ZNF143: variants seen among roughly 807,000 people sequenced by gnomAD.
ZNF143 encodes the protein zinc finger protein 143.
In ZNF143, 49 loss-of-function variants were observed where a neutral mutation model predicts 74.1. The observed-to-expected ratio is 0.66, with a 90% CI of 0.53 to 0.84. The LOEUF is 0.84. Ranked by LOEUF, ZNF143 falls within the 40% of genes least tolerant of loss-of-function variation. ZNF143 has a pLI of 0.00. For synonymous variants in ZNF143, 304 were observed against 282.8 expected (o/e 1.07, Z -0.75); for missense variants, 637 against 793.4 (o/e 0.80, Z 2.37).
chr11:9,508,330 C>A (rs560933756), intron 11 of ZNF143, among the ~76,000 whole-genome samples: 24 of 152,278 alleles, frequency 1.6e-4, no homozygotes, highest in African/African-American at 5.8e-4. Context: ...ATTACAGTTT[C>A]ATTAAAGTTA....
chr11:9,476,802 C>T (rs551253256), intron 5 of ZNF143, among the ~76,000 whole-genome samples: 234 of 108,350 alleles, frequency 2.2e-3, no homozygotes, highest in African/African-American at 8.1e-3. Flanking sequence ...CTCTCTCTCC[C>T]AGTCTGGAGT....
intron 8 of ZNF143, among the ~76,000 whole-genome samples, chr11:9,495,079 A>ATG: frequency 6.6e-6 from 1 of 152,214 alleles, no homozygotes; most frequent in East Asian, 1.9e-4. Flanking sequence ...TATGAGAGAT[A>ATG]TGTGTGTAAT....
At chr11:9,499,314 C>T (rs181480326) in intron 10 of ZNF143, among the ~76,000 whole-genome samples, 42 of 152,080 alleles carry the variant, frequency 2.8e-4, no homozygotes, top group Non-Finnish European at 5.9e-5. Context: ...AGTTGATTCC[C>T]TATCATAGCA....
chr11:9,520,025 ATTTTTTT>A (rs954404348), intron 14 of ZNF143, among the ~76,000 whole-genome samples: 1,702 of 91,362 alleles, frequency 0.019, 29 homozygotes, highest in African/African-American at 0.075. Context: ...GTTTCCACCA[ATTTTTTT>A]TTTTTTTTTT....
In ZNF143 at chr11:9,484,800, A is replaced by ATTTTTTTTTTTTTT. The variant is rs1381085964; in HGVS notation, c.645+5256_645+5269dup. ...CGTGAGCCACCGCACCTGGCCAAAGATTTTTTTTTTTTTTTGAGACGGAGT... is the reference window on the plus strand; with the variant it reads ...CGTGAGCCACCGCACCTGGCCAAAGATTTTTTTTTTTTTTTTTTTTTTTTTTTTTGAGACGGAGT... On this transcript the variant is annotated intron_variant, in intron 7 of 15. Transcript: ENST00000396602. 4.5e-3 allele frequency among the ~76,000 whole-genome samples: 299 copies of ATTTTTTTTTTTTTT among 66,956 alleles called. 41 individuals carry two copies. Among genetic ancestry groups the ATTTTTTTTTTTTTT allele is most frequent in the African/African-American group, 7.1e-3 (104 of 14,698 alleles). 43.9% of individuals were successfully genotyped at this position (66,956 alleles called of 152,430 possible).
intron 3 of ZNF143, among the ~76,000 whole-genome samples, 186 bp downstream of exon 3, chr11:9,472,955 A>G (rs1027266478): frequency 2.0e-5 from 3 of 146,426 alleles, no homozygotes; most frequent in African/African-American, 7.6e-5. Flanking sequence ...GTCCTTTGAG[A>G]TATTTGGAAG....
At chr11:9,486,399 A>ATATATATATG (rs1847509556) in intron 7 of ZNF143, among the ~76,000 whole-genome samples, 1 of 27,550 alleles carries the variant, frequency 3.6e-5, no homozygotes, top group Non-Finnish European at 6.1e-5. Flanking sequence ...TATATATAAT[A>ATATATATATG]TATTATATAT....
intron 1 of ZNF143, among the ~76,000 whole-genome samples, chr11:9,461,324 G>T (rs11042366): frequency 6.6e-6 from 1 of 151,964 alleles, no homozygotes; most frequent in Admixed American, 6.5e-5. Context: ...ACTCCCCCCA[G>T]CTTGTCTCTG....
intron 7 of ZNF143, among the ~76,000 whole-genome samples, chr11:9,492,240 A>G (rs1329525926): frequency 2.0e-5 from 3 of 150,402 alleles, no homozygotes; most frequent in Non-Finnish European, 2.9e-5. Context: ...CCTCCCTAGT[A>G]GCTGGAATCA....
At chr11:9,486,398 TA>T (rs1565038950) in intron 7 of ZNF143, among the ~76,000 whole-genome samples, 1 of 26,964 alleles carries the variant, frequency 3.7e-5, no homozygotes, top group Non-Finnish European at 6.2e-5. Context: ...ATATATATAA[TA>T]TATTATATAT....
chr11:9,480,707 G>C (rs925570567), intron 7 of ZNF143, among the ~76,000 whole-genome samples: 2 of 151,910 alleles, frequency 1.3e-5, no homozygotes, highest in African/African-American at 4.8e-5. Context: ...CCAACATGGT[G>C]AAACCCTGCC....
At chr11:9,493,055 T>C (rs1847837152) in intron 7 of ZNF143, among the ~76,000 whole-genome samples, 2 of 151,996 alleles carry the variant, frequency 1.3e-5, no homozygotes, top group South Asian at 4.1e-4. Flanking sequence ...TTTTTGCCCA[T>C]TGGGAATTAT....
chr11:9,514,961 T>G (rs1848671972), intron 13 of ZNF143, among the ~76,000 whole-genome samples: 1 of 152,130 alleles, frequency 6.6e-6, no homozygotes, highest in African/African-American at 2.4e-5. Flanking sequence ...AAACCCCATC[T>G]CTACTAAAAA....
chr11:9,513,841 T>C (rs565074542), intron 13 of ZNF143, among the ~76,000 whole-genome samples: 2 of 152,248 alleles, frequency 1.3e-5, no homozygotes, highest in African/African-American at 2.4e-5. Context: ...TAAGACAACA[T>C]TGTGCCACTA....
In ZNF143 at chr11:9,479,100, A is replaced by G. The variant is rs80098744; in HGVS notation, c.571-372A>G. 5.1e-3 allele frequency among the ~76,000 whole-genome samples: 780 copies of G among 152,224 alleles called. 4 individuals carry two copies. Among genetic ancestry groups the G allele is most frequent in the African/African-American group, 0.018 (759 of 41,558 alleles). ...TGATTTTTTTTTTCCCCTGCATTGA[A>G]CATGTATCTCTCATATAACTTAAAA... On this transcript the variant is annotated intron_variant, in intron 6 of 15. Coordinates refer to ENST00000396602, the MANE Select transcript of ZNF143 (RefSeq NM_003442.6).
intron 12 of ZNF143, among the ~76,000 whole-genome samples, chr11:9,511,216 T>C (rs1589935025): frequency 1.7e-5 from 1 of 59,868 alleles, no homozygotes; most frequent in South Asian, 5.0e-4. Context: ...GTTCAAGTGA[T>C]TTCTCCTGCC....
In ZNF143 at chr11:9,487,251, G is replaced by A. The variant is rs1217041906; in HGVS notation, c.646-7395G>A. On this transcript the variant is annotated intron_variant, in intron 7 of 15. Coordinates refer to ENST00000396602, the MANE Select transcript of ZNF143 (RefSeq NM_003442.6). ...CAAAGTGCTGAGATTACAGGCGTGA[G>A]CCACAGCACCTGGCCACAGTATGTC... Among the ~76,000 whole-genome samples the A allele has an allele frequency of 1.3e-5, 2 of 151,614 alleles. 1 individual carries two copies. The highest frequency in any genetic ancestry group is 4.9e-5 in the African/African-American group (2 of 40,932).
At chr11:9,470,612 T>A (rs779202559) in intron 1 of ZNF143, among the ~76,000 whole-genome samples, 1 of 152,124 alleles carries the variant, frequency 6.6e-6, no homozygotes, top group Non-Finnish European at 1.5e-5. Flanking sequence ...AAAATGCCAA[T>A]GTGGCTGAAG....
At chr11:9,490,156 C>T (rs556787607) in intron 7 of ZNF143, among the ~76,000 whole-genome samples, 2 of 151,808 alleles carry the variant, frequency 1.3e-5, no homozygotes, top group African/African-American at 4.8e-5. Flanking sequence ...TGTACTATAG[C>T]CTGAGTGACA....
Sources: gnomAD v4.1 joint callset for allele counts (sites outside exome capture counted in the v4.1 genomes callset) on GRCh38, gnomAD v4.1.1 for gene constraint, MANE v1.5 for transcripts, NCBI Gene and HGNC (gene_info 2026-07-23, HGNC 2026-07-21) for gene names.